ACVR1: variants seen among roughly 807,000 people sequenced by gnomAD.
ACVR1 encodes activin A receptor type 1, also known as activin receptor type-1.
ACVR1 carries 38 observed loss-of-function variants against 57.1 expected under a neutral mutation model. That is an observed-to-expected ratio of 0.67 (90% CI 0.51 to 0.87). The LOEUF is 0.87. ACVR1 is among the 40% of genes least tolerant of loss of function. ACVR1 has a pLI of 0.00. For synonymous variants in ACVR1, 212 were observed against 228.1 expected (o/e 0.93, Z 0.63); for missense variants, 463 against 638.2 (o/e 0.73, Z 2.96).
chr2:157,860,791 G>A (rs1189427162), intron 1 of ACVR1, among the ~76,000 whole-genome samples: 3 of 151,778 alleles, frequency 2.0e-5, no homozygotes, highest in South Asian at 2.1e-4. Context: ...GCAGGTGGTC[G>A]ACTTTCCAAG....
At chr2:157,756,831 C>T (rs763159580) in intron 9 of ACVR1, among the ~76,000 whole-genome samples, 5 of 151,370 alleles carry the variant, frequency 3.3e-5, no homozygotes, top group East Asian at 1.9e-4. Context: ...AGTCACTATA[C>T]GAAGAAGATA....
chr2:157,789,116 T>A (rs1248526540), intron 3 of ACVR1, among the ~76,000 whole-genome samples: 3 of 152,230 alleles, frequency 2.0e-5, no homozygotes, highest in Non-Finnish European at 2.9e-5. Context: ...AGAATAAAGA[T>A]CTTACAGTCA....
At chr2:157,805,177 T>A (rs1687472494) in intron 2 of ACVR1, among the ~76,000 whole-genome samples, 1 of 152,226 alleles carries the variant, frequency 6.6e-6, no homozygotes, top group Admixed American at 6.5e-5. Flanking sequence ...ATATTGAGGA[T>A]GAGGGGAAAG....
chr2:157,849,173 G>C (rs1031061783), intron 1 of ACVR1, among the ~76,000 whole-genome samples: 4 of 152,018 alleles, frequency 2.6e-5, no homozygotes, highest in African/African-American at 9.7e-5. Context: ...TTGTTCAATG[G>C]GTTGAATCCA....
At chr2:157,787,722 G>A (rs546612703) in intron 3 of ACVR1, among the ~76,000 whole-genome samples, 7 of 152,020 alleles carry the variant, frequency 4.6e-5, no homozygotes, top group Non-Finnish European at 1.0e-4. Flanking sequence ...GGGCTAACCA[G>A]AGAGTGTATG....
intron 1 of ACVR1, among the ~76,000 whole-genome samples, chr2:157,873,936 T>A (rs957053948): frequency 1.3e-5 from 2 of 152,392 alleles, no homozygotes; most frequent in East Asian, 3.9e-4. Context: ...AATATTCCTT[T>A]AAATTCCTCA....
chr2:157,812,797 G>C (rs996249960), intron 2 of ACVR1, among the ~76,000 whole-genome samples: 1 of 151,942 alleles, frequency 6.6e-6, no homozygotes, highest in Non-Finnish European at 1.5e-5. Context: ...TAATAGAATA[G>C]CAAAATAAGT....
At chr2:157,856,374 T>A (rs1358273751) in intron 1 of ACVR1, among the ~76,000 whole-genome samples, 1 of 152,234 alleles carries the variant, frequency 6.6e-6, no homozygotes, top group Non-Finnish European at 1.5e-5. Context: ...TAAAACTTGC[T>A]GATCCCAGTT....
chr2:157,866,917 C>G (rs1254172591), intron 1 of ACVR1, among the ~76,000 whole-genome samples: 1 of 152,170 alleles, frequency 6.6e-6, no homozygotes, highest in Non-Finnish European at 1.5e-5. Flanking sequence ...AGGAAGCTCT[C>G]CCCCAGGACA....
At chr2:157,799,343 T>C (rs544214060) in intron 3 of ACVR1, 84 bp downstream of exon 3, 3 of 901,362 alleles carry the variant, frequency 3.3e-6, no homozygotes, top group African/African-American at 1.7e-5. Flanking sequence ...TTAAGTTTGA[T>C]AGGCTTAAGA....
intron 2 of ACVR1, among the ~76,000 whole-genome samples, chr2:157,808,876 A>AT (rs1398597726): frequency 9.3e-5 from 8 of 85,632 alleles, no homozygotes; most frequent in Non-Finnish European, 2.3e-4. Context: ...TCAGTAATAC[A>AT]TTTAAAAAAA....
intron 3 of ACVR1, among the ~76,000 whole-genome samples, chr2:157,784,035 G>C (rs1366039438): frequency 6.6e-6 from 1 of 152,160 alleles, no homozygotes; most frequent in African/African-American, 2.4e-5. Context: ...CAACAAAGAA[G>C]GTTTAAAGCA....
intron 5 of ACVR1, 31 bp from the exon 6 acceptor site, chr2:157,774,218 G>A (rs1441541481): frequency 1.7e-5 from 27 of 1,572,840 alleles, no homozygotes; most frequent in Non-Finnish European, 2.2e-5. Flanking sequence ...GAAAAGAAAC[G>A]ATTGAGCAAT....
Position 157,778,206 on chromosome 2 carries a change from G to A in ACVR1, c.468C>T (p.Arg156=). The change falls in exon 5 of 11, where the codon CGC becomes CGT. Residue 156 remains arginine, a synonymous_variant. Transcript: ENST00000434821. ...CATACTCCACGTCTCGGGGATTGAG[G>A]CGTTCTTGGTTGCGCCTTTTAAATT... ...LRKFKRRNQE[R]LNPRDVEYGT... is the part of the protein sequence containing the mutation. 6.2e-7 allele frequency: 1 copy of A among 1,614,064 alleles called. No individual in the cohort carries two copies. The highest frequency in any genetic ancestry group is 2.2e-5 in the East Asian group (1 of 44,866).
chr2:157,850,977 T>C (rs914196568), intron 1 of ACVR1, among the ~76,000 whole-genome samples: 1 of 152,024 alleles, frequency 6.6e-6, no homozygotes, highest in African/African-American at 2.4e-5. Context: ...AAAGAAAAGT[T>C]AGCTTAGCAG....
At chr2:157,872,626 A>G (rs1041851634) in intron 1 of ACVR1, among the ~76,000 whole-genome samples, 16 of 152,140 alleles carry the variant, frequency 1.1e-4, no homozygotes, top group Admixed American at 3.3e-4. Flanking sequence ...TTGCTTTACA[A>G]TTATTTCCTG....
At chr2:157,760,351 A>AT (rs1685595712) in intron 9 of ACVR1, among the ~76,000 whole-genome samples, 1 of 152,300 alleles carries the variant, frequency 6.6e-6, no homozygotes, top group South Asian at 2.1e-4. Flanking sequence ...GGCTATAAAC[A>AT]TAAGAGCTGG....
intron 1 of ACVR1, among the ~76,000 whole-genome samples, chr2:157,872,506 T>C (rs544335899): frequency 2.3e-4 from 35 of 152,322 alleles, no homozygotes; most frequent in African/African-American, 8.2e-4. Context: ...GAAACCTCAC[T>C]GCAGCCCACA....
Position 157,770,507 on chromosome 2 carries a change from G to A in ACVR1, c.651C>T (p.Gly217=), listed in dbSNP as rs1686032085. ...QITLLECVGK[G]RYGEVWRGSW... ...TGCCCCTCCACACCTCACCATACCTGCCTTTCCCTATGAAAAGCAAAACAT... is the reference window on the plus strand; with the variant it reads ...TGCCCCTCCACACCTCACCATACCTACCTTTCCCTATGAAAAGCAAAACAT... The change falls in exon 7 of 11, where the codon GGC becomes GGT. Residue 217 remains glycine (G), a synonymous_variant. Transcript: ENST00000434821. 2.5e-6 allele frequency: 4 copies of A among 1,613,690 alleles called. No individual in the cohort carries two copies. In the African/African-American group the frequency reaches 5.3e-5, roughly 22 times the overall value.
Sources: allele counts gnomAD v4.1 joint callset (sites outside exome capture counted in the v4.1 genomes callset), GRCh38; gene constraint gnomAD v4.1.1; transcripts MANE v1.5; gene names NCBI Gene and HGNC (gene_info 2026-07-23, HGNC 2026-07-21).